Variants in SRGAP2C observed in about 807,000 individuals in gnomAD.
SRGAP2C encodes the protein SLIT-ROBO Rho GTPase activating protein 2C, also known as SLIT-ROBO Rho GTPase-activating protein 2C.
A neutral mutation model predicts 25.1 loss-of-function variants in SRGAP2C; 15 were observed. The ratio of observed to expected loss-of-function variants is 0.60; its 90% CI spans 0.40 to 0.92. The LOEUF (loss-of-function observed/expected upper bound fraction) is 0.92. Among genes scored for constraint, SRGAP2C ranks in the 40% least tolerant of loss-of-function variants. The pLI is 0.00. For missense variants in SRGAP2C, 144 were observed against 264.4 expected, an observed-to-expected ratio of 0.54 and a Z score of 3.16; for synonymous variants, 44 against 96.6, an observed-to-expected ratio of 0.46 and a Z score of 3.19.
intron 2 of SRGAP2C, among the ~76,000 whole-genome samples, chr1:121,190,094 G>C (rs1282863891): frequency 2.0e-5 from 3 of 152,004 alleles, no homozygotes; most frequent in African/African-American, 4.8e-5. Context: ...TGGAAGCTGG[G>C]CTCTCTATGG....
chr1:121,218,462 C>G (rs1655448860), intron 2 of SRGAP2C, among the ~76,000 whole-genome samples: 1 of 103,372 alleles, frequency 9.7e-6, no homozygotes, highest in African/African-American at 4.4e-5. Context: ...CCTACAGTCT[C>G]AGCCTCCTGA....
Position 121,374,960 on chromosome 1 carries a change from T to G in SRGAP2C, c.831+6T>G. ...ACCTATCTGACCTTATTGATGTAAGTGCTTAAAGCCAAGGGCCTGAGGGCC... is the reference window on the plus strand; with the variant it reads ...ACCTATCTGACCTTATTGATGTAAGGGCTTAAAGCCAAGGGCCTGAGGGCC... On this transcript the variant is annotated splice_donor_region_variant and intron_variant, in intron 7 of 9. Transcript: ENST00000367123. 2.6e-6 allele frequency: 2 copies of G among 776,534 alleles called. No individual in the cohort carries two copies. Among genetic ancestry groups the G allele is most frequent in the Non-Finnish European group, 2.4e-6 (1 of 415,752 alleles). 48.1% of individuals were successfully genotyped at this position (776,534 alleles called of 1,614,324 possible). A position where few individuals can be genotyped will look rare whatever the true frequency, so the allele number is the denominator to read the frequency against.
rs1254243393 is a variant in SRGAP2C at position 121,217,346 on chromosome 1, G to A, written c.67+29833G>A. On this transcript the variant is annotated intron_variant, in intron 2 of 9. Coordinates refer to ENST00000367123, the MANE Select transcript of SRGAP2C (RefSeq NM_001329984.2). ...TGTTCTGGAGCTGGAAGTTTAGAGCGCAAGTAAGTCGTTAATACGACTTAC... is the reference window on the plus strand; with the variant it reads ...TGTTCTGGAGCTGGAAGTTTAGAGCACAAGTAAGTCGTTAATACGACTTAC... 1.4e-4 allele frequency among the ~76,000 whole-genome samples: 19 copies of A among 136,906 alleles called. No homozygotes were observed. In the South Asian group the frequency reaches 2.6e-3, roughly 19 times the overall value. 89.8% of individuals were successfully genotyped at this position (136,906 alleles called of 152,430 possible). A position where few individuals can be genotyped will look rare whatever the true frequency, so the allele number is the denominator to read the frequency against.
chr1:121,350,280 G>GGT (rs1553345357), intron 4 of SRGAP2C, among the ~76,000 whole-genome samples: 1 of 141,362 alleles, frequency 7.1e-6, no homozygotes, highest in African/African-American at 2.6e-5. Context: ...ACCTCTAATT[G>GGT]GATTAAGGTG....
intron 2 of SRGAP2C, among the ~76,000 whole-genome samples, chr1:121,201,764 G>A (rs1274574296): frequency 2.0e-5 from 3 of 152,220 alleles, no homozygotes; most frequent in South Asian, 2.1e-4. Context: ...AGATAAGAGC[G>A]TGATATGTAA....
intron 2 of SRGAP2C, among the ~76,000 whole-genome samples, chr1:121,216,259 G>C (rs1290664936): frequency 6.6e-6 from 1 of 152,040 alleles, no homozygotes; most frequent in Non-Finnish European, 1.5e-5. Context: ...TGTCTGCAAA[G>C]AGGGACAGTC....
rs1553346022 is a variant in SRGAP2C at position 121,351,741 on chromosome 1, A to AGTT, written c.424-13552_424-13551insGTT. On this transcript the variant is annotated intron_variant, in intron 4 of 9. Transcript: ENST00000367123. ...TGGCATACCTATACAATTTAAACAA[A>AGTT]ATGTGTCATGTCCATACAATAGAGT... 4.1e-5 allele frequency among the ~76,000 whole-genome samples: 6 copies of AGTT among 147,022 alleles called. No individual in the cohort carries two copies. In the East Asian group the frequency reaches 1.2e-3, roughly 29 times the overall value.
intron 2 of SRGAP2C, among the ~76,000 whole-genome samples, chr1:121,263,087 C>T (rs1656666585): frequency 6.6e-6 from 1 of 151,908 alleles, no homozygotes; most frequent in South Asian, 2.1e-4. Context: ...GGTGTGGTGG[C>T]TCATGCCTGT....
chr1:121,320,862 A>T (rs1658187084), intron 3 of SRGAP2C, among the ~76,000 whole-genome samples: 1 of 152,074 alleles, frequency 6.6e-6, no homozygotes, highest in African/African-American at 2.4e-5. Flanking sequence ...AGATGGTATG[A>T]TATTAAGCAT....
intron 3 of SRGAP2C, among the ~76,000 whole-genome samples, chr1:121,288,291 T>C (rs1657419284): frequency 3.7e-5 from 5 of 134,816 alleles, no homozygotes; most frequent in South Asian, 5.1e-4. Context: ...GATTGGTGCA[T>C]TCACCAACCT....
In SRGAP2C at chr1:121,208,926, C is replaced by T. The variant is rs1396127848; in HGVS notation, c.67+21413C>T. 9.7e-4 allele frequency among the ~76,000 whole-genome samples: 143 copies of T among 147,812 alleles called. 2 individuals carry two copies. Among genetic ancestry groups the T allele is most frequent in the Non-Finnish European group, 6.3e-4 (42 of 66,582 alleles). On this transcript the variant is annotated intron_variant, in intron 2 of 9. Transcript: ENST00000367123. Reference sequence around the variant, plus strand: ...TTCATATAAGGGAAAGACCTATTTACGCATAGTTGAGTTGCAGCTGCTGCT... The same window carrying T: ...TTCATATAAGGGAAAGACCTATTTATGCATAGTTGAGTTGCAGCTGCTGCT...
At chr1:121,254,179 C>T in intron 2 of SRGAP2C, among the ~76,000 whole-genome samples, 1 of 144,206 alleles carries the variant, frequency 6.9e-6, no homozygotes. Flanking sequence ...TCCCAAAGAG[C>T]TGGGATTACA....
At chr1:121,226,158 A>T (rs1655662413) in intron 2 of SRGAP2C, among the ~76,000 whole-genome samples, 1 of 145,668 alleles carries the variant, frequency 6.9e-6, no homozygotes, top group Non-Finnish European at 1.5e-5. Context: ...GGGAAAAAAA[A>T]TTTGTTTTTG....
chr1:121,233,147 T>C (rs1655861367), intron 2 of SRGAP2C, among the ~76,000 whole-genome samples: 1 of 118,102 alleles, frequency 8.5e-6, no homozygotes, highest in Non-Finnish European at 1.8e-5. Flanking sequence ...CCTTGGTTCT[T>C]TTTTTTTTTT....
intron 4 of SRGAP2C, chr1:121,361,387 G>A (rs1372245827): frequency 1.4e-5 from 2 of 145,250 alleles, no homozygotes; most frequent in Non-Finnish European, 3.0e-5. Context: ...CATCCCGGAT[G>A]CCTAGGATCC....
At chr1:121,206,831 T>G (rs1315052150) in intron 2 of SRGAP2C, among the ~76,000 whole-genome samples, 1 of 151,472 alleles carries the variant, frequency 6.6e-6, no homozygotes, top group East Asian at 1.9e-4. Flanking sequence ...GAGATACCAC[T>G]AAGATGGGAA....
At position 121,218,636 on chromosome 1, in the gene SRGAP2C, A is replaced by T. The variant is rs587687649; in HGVS notation, c.67+31123A>T. On this transcript the variant is annotated intron_variant, in intron 2 of 9. Transcript: ENST00000367123. ...GTGGCAGGTGCCCGTAATCCCAGCT[A>T]CTCGGGAGGCTAAGGCACGAGAATC... Among the ~76,000 whole-genome samples, 57 of 149,348 alleles carry T rather than the reference A, an allele frequency of 3.8e-4. 2 individuals are homozygous for T. Among genetic ancestry groups the T allele is most frequent in the African/African-American group, 1.4e-3 (56 of 39,090 alleles).
Position 121,300,344 on chromosome 1 carries a change from C to A in SRGAP2C, c.260+15349C>A, listed in dbSNP as rs1355049957. Among the ~76,000 whole-genome samples the A allele has an allele frequency of 3.2e-3, 346 of 107,212 alleles. 22 individuals carry two copies. The highest frequency in any genetic ancestry group is 5.4e-3 in the Non-Finnish European group (270 of 49,774). The allele number at this position is 107,212 out of a possible 152,430, so 70.3% of individuals were successfully genotyped here. ...AAGGCACCGGGGAGCCAGCATGTCA[C>A]ATGGTGAGAGTGGGAGTGAGAGTCG... is the stretch of plus-strand genomic sequence containing the variant. On this transcript the variant is annotated intron_variant, in intron 3 of 9. Transcript: ENST00000367123.
intron 5 of SRGAP2C, among the ~76,000 whole-genome samples, chr1:121,368,675 T>A (rs868940983): frequency 0.01 from 1,490 of 144,774 alleles, 35 homozygotes; most frequent in African/African-American, 0.036. Context: ...TTTGGGAAGC[T>A]GCTTGCTGTA....
Sources: gnomAD v4.1 joint callset for allele counts (sites outside exome capture counted in the v4.1 genomes callset) on GRCh38, gnomAD v4.1.1 for gene constraint, MANE v1.5 for transcripts, NCBI Gene and HGNC (gene_info 2026-07-23, HGNC 2026-07-21) for gene names.